The following SOS1 variants were observed in gnomAD, a reference collection of about 807,000 sequenced individuals.
The protein encoded by SOS1 is son of sevenless homolog 1.
Under a neutral mutation model 157.6 loss-of-function variants are expected in SOS1, and 25 were observed. The ratio of observed to expected loss-of-function variants is 0.16; its 90% CI spans 0.12 to 0.22. The LOEUF (loss-of-function observed/expected upper bound fraction) is 0.22. SOS1 is among the 10% of genes least tolerant of loss of function. The probability of loss-of-function intolerance (pLI) is 1.00; values close to 1 mark genes in which losing one functional copy is unlikely to be tolerated. For synonymous variants in SOS1, 528 were observed against 534.0 expected (o/e 0.99, Z 0.16); for missense variants, 1,237 against 1,599.1 (o/e 0.77, Z 3.86).
At chr2:39,095,668 G>A (rs1672744568) in intron 1 of SOS1, among the ~76,000 whole-genome samples, 3 of 152,152 alleles carry the variant, frequency 2.0e-5, no homozygotes, top group Non-Finnish European at 4.4e-5. Context: ...AGCCTTAATA[G>A]GAGTACTTGC....
At chr2:39,018,167 T>A (rs1435843031) in intron 10 of SOS1, among the ~76,000 whole-genome samples, 1 of 151,876 alleles carries the variant, frequency 6.6e-6, no homozygotes, top group African/African-American at 2.4e-5. Context: ...CAAAAACATA[T>A]AATCCTAGAA....
rs552976917 is a variant in SOS1, at chr2:39,009,256, GAAAA to G, written c.2510+1324_2510+1327del. Among the ~76,000 whole-genome samples, 21 of 148,328 alleles carry G rather than the reference GAAAA, an allele frequency of 1.4e-4. No homozygotes were observed. In the East Asian group the frequency reaches 4.1e-3, roughly 29 times the overall value. On this transcript the variant is annotated intron_variant, in intron 15 of 22. Transcript: ENST00000402219. ...ATAAGCTCAATAGTATATTTGAACT[GAAAA>G]AAAAAATATTAACTTGAAGATAGAG...
At chr2:38,990,203 A>G (rs1216686046) in intron 20 of SOS1, among the ~76,000 whole-genome samples, 2 of 150,658 alleles carry the variant, frequency 1.3e-5, no homozygotes, top group African/African-American at 4.9e-5. Context: ...GCAATCCCTC[A>G]CATAATTTGG....
chr2:39,123,791 C>T (rs996946613), upstream of SOS1, among the ~76,000 whole-genome samples: 3 of 152,178 alleles, frequency 2.0e-5, no homozygotes, highest in Non-Finnish European at 4.4e-5. Flanking sequence ...AGTTCCAGGA[C>T]TACATAATCA....
chr2:39,103,229 C>T (rs1673039932), intron 1 of SOS1, among the ~76,000 whole-genome samples: 1 of 152,100 alleles, frequency 6.6e-6, no homozygotes, highest in Non-Finnish European at 1.5e-5. Flanking sequence ...GACATCAATA[C>T]TACCTAGAGC....
intron 1 of SOS1, among the ~76,000 whole-genome samples, chr2:39,115,019 C>T (rs138517326): frequency 6.6e-4 from 100 of 152,282 alleles, no homozygotes; most frequent in East Asian, 2.9e-3. Flanking sequence ...TCTCCCTATA[C>T]ACTATTTCCC....
At chr2:39,011,537 G>A (rs575556809) in intron 14 of SOS1, among the ~76,000 whole-genome samples, 1 of 152,002 alleles carries the variant, frequency 6.6e-6, no homozygotes, top group Non-Finnish European at 1.5e-5. Context: ...TTCAGTGGGA[G>A]ATCTATAAAT....
At chr2:39,013,758 A>G in intron 12 of SOS1, 109 bp downstream of exon 12, 1 of 1,001,406 alleles carries the variant, frequency 1.0e-6, no homozygotes, top group South Asian at 1.4e-5. Context: ...AATTTAATTT[A>G]CTAATTTTAT....
At chr2:39,022,469 T>G in intron 10 of SOS1, 101 bp downstream of exon 10, 2 of 877,200 alleles carry the variant, frequency 2.3e-6, no homozygotes, top group Non-Finnish European at 3.8e-6. Context: ...GGTCTTTGGT[T>G]GTTAGTTTCT....
rs1316719015 is a variant in SOS1, at chr2:38,982,066, T to C, written c.*3758A>G. On this transcript the variant is annotated 3_prime_UTR_variant, in exon 23 of 23. Transcript: ENST00000402219. ...CACACCACATGTACCTTCCATCATC[T>C]GTTATGCATCTTGTTTCTTTGAGTG... 1 of 152,216 alleles carries C rather than the reference T, an allele frequency of 6.6e-6. No homozygotes were observed. The highest frequency in any genetic ancestry group is 2.4e-5 in the African/African-American group (1 of 41,466). 9.4% of individuals were successfully genotyped at this position (152,216 alleles called of 1,614,324 possible).
At chr2:39,051,878 TTTTA>T (rs1420552431) in intron 5 of SOS1, among the ~76,000 whole-genome samples, 1 of 152,210 alleles carries the variant, frequency 6.6e-6, no homozygotes, top group East Asian at 1.9e-4. Context: ...TGTGTAATTT[TTTTA>T]TTGAGATAAA....
chr2:39,012,002 C>T, intron 14 of SOS1, 124 bp downstream of exon 14: 2 of 761,300 alleles, frequency 2.6e-6, no homozygotes, highest in Non-Finnish European at 4.6e-6. Context: ...GGCCTTATTA[C>T]TAGACACTTC....
intron 1 of SOS1, among the ~76,000 whole-genome samples, chr2:39,077,218 C>T (rs1206474061): frequency 6.6e-6 from 1 of 151,590 alleles, no homozygotes; most frequent in Admixed American, 6.6e-5. Context: ...TGGTGTGCAT[C>T]TGTAATCTTA....
intron 1 of SOS1, among the ~76,000 whole-genome samples, chr2:39,095,598 C>T (rs189467177): frequency 7.2e-5 from 11 of 152,256 alleles, no homozygotes; most frequent in South Asian, 6.2e-4. Flanking sequence ...GGCAGAAGTG[C>T]GTTTCCTACT....
intron 10 of SOS1, among the ~76,000 whole-genome samples, chr2:39,019,733 T>TA (rs1260601028): frequency 2.0e-5 from 3 of 151,480 alleles, no homozygotes; most frequent in Non-Finnish European, 3.0e-5. Context: ...TTGGGTTTTG[T>TA]AAAAAAATAA....
chr2:39,118,936 C>T (rs965623199), intron 1 of SOS1, among the ~76,000 whole-genome samples: 2 of 152,146 alleles, frequency 1.3e-5, no homozygotes, highest in African/African-American at 4.8e-5. Context: ...TTGGTGATTC[C>T]CCTGGGAAAG....
intron 1 of SOS1, among the ~76,000 whole-genome samples, chr2:39,118,693 C>CA (rs1169279642): frequency 6.6e-6 from 1 of 152,222 alleles, no homozygotes; most frequent in African/African-American, 2.4e-5. Context: ...CCCTAAATGA[C>CA]AAGACCTTCC....
chr2:39,049,079 G>A (rs889612463), intron 6 of SOS1, among the ~76,000 whole-genome samples: 3 of 151,662 alleles, frequency 2.0e-5, no homozygotes, highest in Admixed American at 6.6e-5. Context: ...CACCACGCCC[G>A]GCTAATTTTT....
intron 1 of SOS1, among the ~76,000 whole-genome samples, chr2:39,097,584 G>T (rs1481054128): frequency 1.3e-5 from 2 of 151,290 alleles, no homozygotes; most frequent in Non-Finnish European, 2.9e-5. Flanking sequence ...TTGAGATGGG[G>T]TCTCGCTCTG....
Sources: gnomAD v4.1 joint callset for allele counts (sites outside exome capture counted in the v4.1 genomes callset) on GRCh38, gnomAD v4.1.1 for gene constraint, MANE v1.5 for transcripts, NCBI Gene and HGNC (gene_info 2026-07-23, HGNC 2026-07-21) for gene names.